VIPR2: variants seen among roughly 807,000 people sequenced by gnomAD.
VIPR2 encodes vasoactive intestinal polypeptide receptor 2.
Under a neutral mutation model 58.0 loss-of-function variants are expected in VIPR2, and 48 were observed. The observed-to-expected ratio is 0.83, with a 90% CI of 0.66 to 1.05. VIPR2 has a LOEUF of 1.05. Ranked by LOEUF, VIPR2 falls within the 50% of genes least tolerant of loss-of-function variation. VIPR2 has a pLI of 0.00. For synonymous variants in VIPR2, 243 were observed against 235.2 expected, an observed-to-expected ratio of 1.03 and a Z score of -0.30; for missense variants, 534 against 558.0, an observed-to-expected ratio of 0.96 and a Z score of 0.43.
intron 2 of VIPR2, among the ~76,000 whole-genome samples, chr7:159,119,003 G>C (rs544197725): frequency 6.6e-6 from 1 of 152,346 alleles, no homozygotes; most frequent in South Asian, 2.1e-4. Context: ...ACACCCCAGG[G>C]GTTCTGGTTT....
chr7:159,095,082 A>G lies in VIPR2; in HGVS notation c.357+8675T>C, dbSNP rs1331165083. Among the ~76,000 whole-genome samples the G allele has an allele frequency of 6.6e-6, 1 of 152,228 alleles. No individual in the cohort carries two copies. The highest frequency in any genetic ancestry group is 1.5e-5 in the Non-Finnish European group (1 of 68,046). On this transcript the variant is annotated intron_variant, in intron 4 of 12. Coordinates refer to ENST00000262178, the MANE Select transcript of VIPR2 (RefSeq NM_003382.5). This position sits in a 1 kb window ranked among gnomAD's most constrained non-coding sequence, Gnocchi z 5.2. Reference sequence around the variant, plus strand: ...GTCTCTGAGGGCATCACGGCCACAAAGATGGAGAGGGGCTAGGGAGAGTTC... The same window carrying G: ...GTCTCTGAGGGCATCACGGCCACAAGGATGGAGAGGGGCTAGGGAGAGTTC...
At chr7:159,144,526 G>C (rs1451946731) in intron 1 of VIPR2, 195 bp downstream of exon 1, 2 of 1,518,326 alleles carry the variant, frequency 1.3e-6, no homozygotes, top group South Asian at 2.5e-5. Context: ...CCCGCAACCC[G>C]GCGGGACCGG....
chr7:159,031,994 T>C lies in VIPR2; in HGVS notation c.1045A>G (p.Ile349Val). 1.9e-6 allele frequency: 3 copies of C among 1,614,074 alleles called. No individual in the cohort carries two copies. The highest frequency in any genetic ancestry group is 2.5e-6 in the Non-Finnish European group (3 of 1,180,028). ...ATCTGGTATTTGGAGGAGATGCTGA[T>C]GGGAAACACGGCAAACACCATGTAG... ...VHYMVFAVFP[I>V]SISSKYQILF... The change falls in exon 11 of 13, where the codon ATC becomes GTC. Residue 349 changes from isoleucine to valine, a missense_variant. This residue lies in a region of VIPR2 where 306 missense variants were observed against 285.8 expected (regional missense o/e 1.07). Coordinates refer to ENST00000262178, the MANE Select transcript of VIPR2 (RefSeq NM_003382.5). This position sits in a 1 kb window ranked among gnomAD's most constrained non-coding sequence, Gnocchi z 4.0.
chr7:159,034,925 G>T (rs1328752393), intron 8 of VIPR2, among the ~76,000 whole-genome samples: 1 of 152,182 alleles, frequency 6.6e-6, no homozygotes, highest in African/African-American at 2.4e-5. Flanking sequence ...CCTCCACTCT[G>T]AGCATGAACG....
intron 2 of VIPR2, among the ~76,000 whole-genome samples, chr7:159,114,973 G>T (rs17837879): frequency 0.31 from 47,266 of 152,068 alleles, 8,071 homozygotes; most frequent in African/African-American, 0.46. Flanking sequence ...GTCATAAGTT[G>T]CAGCTAAAAC....
intron 3 of VIPR2, among the ~76,000 whole-genome samples, chr7:159,109,020 C>T (rs1347486196): frequency 6.6e-6 from 1 of 152,222 alleles, no homozygotes; most frequent in African/African-American, 2.4e-5. Flanking sequence ...TTTTCCAAAA[C>T]TCTGCTTTAA....
At position 159,110,201 on chromosome 7, in the gene VIPR2, G is replaced by A. The variant is rs183437526; in HGVS notation, c.152-282C>T. ...CTTCTTGTGATCAGCATTTCCTAGT[G>A]TGATGAAATGGGCACCACTGGGTAT... is the stretch of plus-strand genomic sequence containing the variant. On this transcript the variant is annotated intron_variant, in intron 2 of 12. Coordinates refer to ENST00000262178, the MANE Select transcript of VIPR2 (RefSeq NM_003382.5). Among the ~76,000 whole-genome samples, 67 of 152,356 alleles carry A rather than the reference G, an allele frequency of 4.4e-4. 1 individual carries two copies. In the East Asian group the frequency reaches 0.013, roughly 29 times the overall value.
intron 5 of VIPR2, among the ~76,000 whole-genome samples, chr7:159,046,412 G>T (rs541676148): frequency 6.6e-6 from 1 of 152,168 alleles, no homozygotes; most frequent in Non-Finnish European, 1.5e-5. Flanking sequence ...GACGTGGATC[G>T]AACTTGAAAA....
chr7:159,037,855 G>A (rs1340400225), intron 6 of VIPR2, among the ~76,000 whole-genome samples: 2 of 152,008 alleles, frequency 1.3e-5, no homozygotes, highest in Non-Finnish European at 2.9e-5. Flanking sequence ...TCTTATTTCT[G>A]TATTTATGTT....
At chr7:159,124,418 C>T (rs933002388) in intron 2 of VIPR2, among the ~76,000 whole-genome samples, 4 of 152,092 alleles carry the variant, frequency 2.6e-5, no homozygotes, top group Non-Finnish European at 5.9e-5. Context: ...TTCCCTATTG[C>T]TTATTTTTGT....
At chr7:159,101,930 T>C (rs1217275159) in intron 4 of VIPR2, among the ~76,000 whole-genome samples, 1 of 148,578 alleles carries the variant, frequency 6.7e-6, no homozygotes, top group African/African-American at 2.5e-5. Flanking sequence ...CAACTGTTCC[T>C]GTGGTAGTGA....
rs1203271084 is a variant in VIPR2, at chr7:159,096,372, GCGCAC to G, written c.357+7380_357+7384del. On this transcript the variant is annotated intron_variant, in intron 4 of 12. Coordinates refer to ENST00000262178, the MANE Select transcript of VIPR2 (RefSeq NM_003382.5). The surrounding 1 kb of genome is among the most constrained non-coding windows in gnomAD (Gnocchi z 5.5). ...CCAGCTCCATGCCCAGAAGCGCCTG[GCGCAC>G]CGCTGTGTTTCCTACAGGTCCGCTG... Among the ~76,000 whole-genome samples, 1 of 152,166 alleles carries G rather than the reference GCGCAC, an allele frequency of 6.6e-6. No homozygotes were observed. Among genetic ancestry groups the G allele is most frequent in the Non-Finnish European group, 1.5e-5 (1 of 68,028 alleles).
At chr7:159,140,637 T>C (rs141245658) in intron 2 of VIPR2, among the ~76,000 whole-genome samples, 4,913 of 152,326 alleles carry the variant, frequency 0.032, 124 homozygotes, top group Middle Eastern at 0.054. Flanking sequence ...ACCTTGTCGC[T>C]GCAAGAAAGC....
intron 4 of VIPR2, among the ~76,000 whole-genome samples, chr7:159,059,538 A>C (rs1563282399): frequency 6.6e-6 from 1 of 152,204 alleles, no homozygotes; most frequent in Non-Finnish European, 1.5e-5. Flanking sequence ...GTATAACTTT[A>C]CTGTTTAATC....
rs945382574 is a variant in VIPR2, at chr7:159,142,485, ATT to A, written c.110_111del (p.Lys37MetfsTer59). On this transcript the variant is annotated frameshift_variant, in exon 2 of 13. Coordinates refer to ENST00000262178, the MANE Select transcript of VIPR2 (RefSeq NM_003382.5). LOFTEE classifies it high-confidence loss of function. ...FHLEIQEEETKCAELLRSQTE... is the reference protein window; with the variant it reads ...FHLEIQEEETXCAELLRSQTE... ...GTTTGAGACCTCAGAAGCTCTGCAC[ATT>A]TTGTTTCTTCCTCCTGTATTTCCAG... 16 of 1,613,930 alleles carry A rather than the reference ATT, an allele frequency of 9.9e-6. No individual in the cohort carries two copies. Among genetic ancestry groups the A allele is most frequent in the Non-Finnish European group, 1.4e-5 (16 of 1,180,016 alleles).
chr7:159,033,059 G>A (rs1182531017), intron 10 of VIPR2, among the ~76,000 whole-genome samples: 1 of 152,120 alleles, frequency 6.6e-6, no homozygotes, highest in Non-Finnish European at 1.5e-5. Flanking sequence ...TGGTTTACCA[G>A]ACTCTTTTGC....
At chr7:159,139,430 C>A (rs191940148) in intron 2 of VIPR2, among the ~76,000 whole-genome samples, 1 of 152,190 alleles carries the variant, frequency 6.6e-6, no homozygotes, top group Non-Finnish European at 1.5e-5. Context: ...CTGTGAACAG[C>A]AAGTCTCTTG....
intron 8 of VIPR2, chr7:159,035,681 G>A (rs1853896607): frequency 1.0e-6 from 1 of 985,036 alleles, no homozygotes; most frequent in Non-Finnish European, 1.2e-6. Context: ...CCCACCGCAG[G>A]GGCTGCCCCA....
Position 159,036,840 on chromosome 7 carries a change from C to G in VIPR2, c.660G>C (p.Leu220=). The part of the protein sequence containing the change: ...QYCIMANFFW[L]LVEGLYLHTL... ...TGTGGAGGTAGAGCCCCTCCACCAG[C>G]AGCCAGAAGAAGTTGGCCATGATGC... Residue 220 remains leucine, a synonymous_variant, in exon 7 of 13, where the codon CTG becomes CTC. Coordinates refer to ENST00000262178, the MANE Select transcript of VIPR2 (RefSeq NM_003382.5). 6.2e-7 allele frequency: 1 copy of G among 1,614,072 alleles called. No homozygotes were observed. The highest frequency in any genetic ancestry group is 8.5e-7 in the Non-Finnish European group (1 of 1,180,002).
Sources: allele counts gnomAD v4.1 joint callset (sites outside exome capture counted in the v4.1 genomes callset), GRCh38; gene constraint gnomAD v4.1.1; regional missense constraint gnomAD v4.1.1; non-coding constraint Gnocchi (gnomAD v3.1); transcripts MANE v1.5; gene names NCBI Gene and HGNC (gene_info 2026-07-23, HGNC 2026-07-21).